Variants in CCSER1 observed in about 807,000 individuals in gnomAD.
CCSER1 encodes coiled-coil serine rich protein 1.
CCSER1 carries 41 observed loss-of-function variants against 82.0 expected under a neutral mutation model. The ratio of observed to expected loss-of-function variants is 0.50; its 90% confidence interval spans 0.39 to 0.65. CCSER1 has a LOEUF of 0.65. Among genes scored for constraint, CCSER1 ranks in the 30% least tolerant of loss-of-function variants. The pLI, the probability that CCSER1 is intolerant of heterozygous loss-of-function variation, is 0.00. For missense variants in CCSER1, 1,119 were observed against 1,064.2 expected (o/e 1.05, Z -0.72); for synonymous variants, 414 against 383.9 (o/e 1.08, Z -0.92).
At chr4:91,042,783 G>A (rs1030705232) in intron 9 of CCSER1, among the ~76,000 whole-genome samples, 1 of 151,938 alleles carries the variant, frequency 6.6e-6, no homozygotes, top group Non-Finnish European at 1.5e-5. Context: ...CATTACAGGG[G>A]GGAAAAAGTA....
At chr4:91,149,722 T>TA (rs1729947550) in intron 10 of CCSER1, among the ~76,000 whole-genome samples, 1 of 152,228 alleles carries the variant, frequency 6.6e-6, no homozygotes, top group Admixed American at 6.5e-5. Context: ...CCAGCAGCTT[T>TA]TTAAAAATAG....
chr4:91,026,644 A>G (rs1174703066), intron 9 of CCSER1, among the ~76,000 whole-genome samples: 1 of 152,102 alleles, frequency 6.6e-6, no homozygotes, highest in Non-Finnish European at 1.5e-5. Flanking sequence ...TTGGTTTTCT[A>G]TACACGGGAT....
At chr4:90,435,458 TA>T (rs1758874378) in intron 4 of CCSER1, among the ~76,000 whole-genome samples, 1 of 152,164 alleles carries the variant, frequency 6.6e-6, no homozygotes, top group African/African-American at 2.4e-5. Flanking sequence ...AGGAAGAAAC[TA>T]AATGAATTAA....
At chr4:91,335,694 A>G (rs991123320) in intron 10 of CCSER1, among the ~76,000 whole-genome samples, 1 of 152,062 alleles carries the variant, frequency 6.6e-6, no homozygotes, top group African/African-American at 2.4e-5. Flanking sequence ...AAGTCAGGGA[A>G]ATATTTCAGG....
At chr4:90,239,499 T>C (rs1746437084) in intron 1 of CCSER1, among the ~76,000 whole-genome samples, 3 of 152,174 alleles carry the variant, frequency 2.0e-5, no homozygotes, top group Non-Finnish European at 2.9e-5. Context: ...TTAAATAGAT[T>C]GATCTGTTAT....
chr4:91,417,810 A>G (rs1283098885), intron 10 of CCSER1, among the ~76,000 whole-genome samples: 4 of 152,086 alleles, frequency 2.6e-5, no homozygotes, highest in Admixed American at 6.6e-5. Flanking sequence ...CTATGTAACA[A>G]ACCTGCACAT....
intron 5 of CCSER1, among the ~76,000 whole-genome samples, chr4:90,625,203 G>T (rs531328347): frequency 1.3e-5 from 2 of 152,094 alleles, no homozygotes; most frequent in African/African-American, 4.8e-5. Context: ...TTAATATGTT[G>T]TCTGTGCTAG....
At chr4:90,248,744 C>T (rs1721870735) in intron 1 of CCSER1, among the ~76,000 whole-genome samples, 1 of 151,054 alleles carries the variant, frequency 6.6e-6, no homozygotes, top group African/African-American at 2.4e-5. Flanking sequence ...GTTGCCCAGG[C>T]TGGAGTGCAG....
intron 9 of CCSER1, among the ~76,000 whole-genome samples, chr4:91,068,407 C>G (rs2148759207): frequency 6.6e-6 from 1 of 152,266 alleles, no homozygotes; most frequent in South Asian, 2.1e-4. Context: ...CAGTCTGAGA[C>G]TGCACATTTA....
chr4:91,191,027 AT>A, intron 10 of CCSER1, among the ~76,000 whole-genome samples: 1 of 152,214 alleles, frequency 6.6e-6, no homozygotes, highest in Admixed American at 6.5e-5. Context: ...TTTATAACAT[AT>A]GCTATTAACA....
intron 5 of CCSER1, among the ~76,000 whole-genome samples, chr4:90,504,896 G>A (rs184161849): frequency 7.2e-5 from 11 of 152,176 alleles, no homozygotes; most frequent in Admixed American, 2.6e-4. Flanking sequence ...AAAACCCAGA[G>A]TATCCAAATA....
intron 10 of CCSER1, among the ~76,000 whole-genome samples, chr4:91,331,163 C>G (rs149967459): frequency 2.6e-5 from 4 of 152,124 alleles, no homozygotes; most frequent in African/African-American, 9.6e-5. Flanking sequence ...TAGAAGGTAT[C>G]CAGTCTAACT....
In CCSER1 at chr4:90,518,343, G is replaced by A. The variant is rs538901885; in HGVS notation, c.1724+49989G>A. Among the ~76,000 whole-genome samples the A allele has an allele frequency of 2.0e-3, 309 of 152,114 alleles. 1 individual carries two copies. Among genetic ancestry groups the A allele is most frequent in the Middle Eastern group, 3.4e-3 (1 of 294 alleles). ...TTTATTAATAGAGACTAGAGAGTAG[G>A]TGTTTGAAATGTACAGTTGAAAACA... On this transcript the variant is annotated intron_variant, in intron 5 of 10. Transcript: ENST00000509176.
At chr4:91,336,825 T>C (rs1747357782) in intron 10 of CCSER1, among the ~76,000 whole-genome samples, 1 of 152,102 alleles carries the variant, frequency 6.6e-6, no homozygotes, top group Non-Finnish European at 1.5e-5. Context: ...TTTACTGACC[T>C]CCACATTTAT....
rs1330254937 is a variant in CCSER1, at chr4:90,863,429, A to G, written c.2094+47584A>G. On this transcript the variant is annotated intron_variant, in intron 8 of 10. Transcript: ENST00000509176. ...TCAATAACAATTTTCTTTTTCAGTCAGATGATAGATACTTTTACATATCAC... is the reference window on the plus strand; with the variant it reads ...TCAATAACAATTTTCTTTTTCAGTCGGATGATAGATACTTTTACATATCAC... 2.6e-5 allele frequency among the ~76,000 whole-genome samples: 4 copies of G among 152,048 alleles called. No individual in the cohort carries two copies. The East Asian group carries it at 5.8e-4, about 22-fold the overall frequency.
rs149080644 is a variant in CCSER1 at position 90,755,673 on chromosome 4, G to A, written c.2010+31682G>A. Among the ~76,000 whole-genome samples, 896 of 152,282 alleles carry A rather than the reference G, an allele frequency of 5.9e-3. 9 individuals are homozygous for A. The highest frequency in any genetic ancestry group is 0.021 in the African/African-American group (852 of 41,560). The stretch of plus-strand genomic sequence containing the variant: ...GAATGAAAACCCAATTGAGTTATCA[G>A]TGGATTTGAAAGAGAAGTATTATCA... On this transcript the variant is annotated intron_variant, in intron 7 of 10. Coordinates refer to ENST00000509176, the MANE Select transcript of CCSER1 (RefSeq NM_001145065.2).
intron 8 of CCSER1, among the ~76,000 whole-genome samples, chr4:90,898,969 A>G (rs1410459378): frequency 6.6e-6 from 1 of 151,662 alleles, no homozygotes; most frequent in African/African-American, 2.4e-5. Flanking sequence ...TGATTTTTCT[A>G]ATTCTGTATA....
At position 91,275,417 on chromosome 4, in the gene CCSER1, A is replaced by G. The variant is rs1581888072; in HGVS notation, c.2217+189423A>G. On this transcript the variant is annotated intron_variant, in intron 10 of 10. Transcript: ENST00000509176. ...GTTTTTGATTTGCACCTCCCTGATG[A>G]TTCGTGATGTTGAGCATTTTTTCAA... is the stretch of plus-strand genomic sequence containing the variant. Among the ~76,000 whole-genome samples the G allele has an allele frequency of 6.6e-5, 10 of 152,084 alleles. No homozygotes were observed. In the South Asian group the frequency reaches 2.1e-3, roughly 32 times the overall value.
chr4:90,737,144 T>G (rs976810821), intron 7 of CCSER1, among the ~76,000 whole-genome samples: 1 of 152,168 alleles, frequency 6.6e-6, no homozygotes, highest in Non-Finnish European at 1.5e-5. Flanking sequence ...TATGAGTTTA[T>G]GTACCATAGT....
Sources: gnomAD v4.1 joint callset for allele counts (sites outside exome capture counted in the v4.1 genomes callset) on GRCh38, gnomAD v4.1.1 for gene constraint, MANE v1.5 for transcripts, NCBI Gene and HGNC (gene_info 2026-07-23, HGNC 2026-07-21) for gene names.